FYCO1: variants seen among roughly 807,000 people sequenced by gnomAD.
The protein encoded by FYCO1 is FYVE and coiled-coil domain-containing protein 1.
In FYCO1, 122 loss-of-function variants were observed where a neutral mutation model predicts 165.1. The ratio of observed to expected loss-of-function variants is 0.74; its 90% CI spans 0.64 to 0.86. The LOEUF (loss-of-function observed/expected upper bound fraction) is 0.86, where lower values mean the gene tolerates loss of function less well. Ranked by LOEUF, FYCO1 falls within the 40% of genes least tolerant of loss-of-function variation. The pLI is 0.00. For synonymous variants in FYCO1, 648 were observed against 742.5 expected (o/e 0.87, Z 2.07); for missense variants, 1,702 against 1,810.3 (o/e 0.94, Z 1.09).
At chr3:45,979,853 A>T (rs1706960394) in intron 3 of FYCO1, 23 bp from the exon 4 acceptor site, 1 of 1,613,140 alleles carries the variant, frequency 6.2e-7, no homozygotes, top group Non-Finnish European at 8.5e-7. Flanking sequence ...AGGGAAAGGG[A>T]GAGGAGGTCC....
At chr3:45,991,925 T>G (rs902880015) in intron 1 of FYCO1, among the ~76,000 whole-genome samples, 1 of 151,926 alleles carries the variant, frequency 6.6e-6, no homozygotes, top group Non-Finnish European at 1.5e-5. Flanking sequence ...ACTGGTGAGT[T>G]TATAAGGGGA....
rs764116309 is a variant in FYCO1, at chr3:45,921,382, G to GA, written c.*382dup. 1 of 333,970 alleles carries GA rather than the reference G, an allele frequency of 3.0e-6. No individual in the cohort carries two copies. The highest frequency in any genetic ancestry group is 7.7e-5 in the East Asian group (1 of 12,910). 20.7% of individuals were successfully genotyped at this position (333,970 alleles called of 1,614,324 possible). On this transcript the variant is annotated 3_prime_UTR_variant, in exon 18 of 18. Transcript: ENST00000296137. Reference sequence around the variant, plus strand: ...TGCAGGGCCCTGGTGGGGCAGGGCAGAAAATCTCTCCACAGGCAGAAGTTG... The same window carrying GA: ...TGCAGGGCCCTGGTGGGGCAGGGCAGAAAAATCTCTCCACAGGCAGAAGTTG...
chr3:45,927,294 T>A (rs1240224530), intron 16 of FYCO1, among the ~76,000 whole-genome samples: 2 of 152,216 alleles, frequency 1.3e-5, no homozygotes, highest in Non-Finnish European at 2.9e-5. Context: ...AAAACACCTC[T>A]CAAACTTCAA....
chr3:45,947,518 C>T lies in FYCO1; in HGVS notation c.3944+7731G>A, dbSNP rs376882050. On this transcript the variant is annotated intron_variant, in intron 14 of 17. Transcript: ENST00000296137. ...AGCATGTTCCAGTTATAGGCCTTGC[C>T]AGGGTTTCGAGAAGCTGCTCTGGAA... The T allele has an allele frequency of 7.5e-6, 12 of 1,607,086 alleles. No homozygotes were observed. The Admixed American group carries it at 1.5e-4, about 20-fold the overall frequency.
At chr3:45,971,973 A>G (rs1400081285) in intron 6 of FYCO1, among the ~76,000 whole-genome samples, 2 of 152,238 alleles carry the variant, frequency 1.3e-5, no homozygotes, top group Non-Finnish European at 2.9e-5. Context: ...AAGAGAAAAG[A>G]GGATCAAGTC....
At chr3:45,989,912 C>G (rs1047408219) in intron 1 of FYCO1, among the ~76,000 whole-genome samples, 2 of 152,128 alleles carry the variant, frequency 1.3e-5, no homozygotes, top group African/African-American at 4.8e-5. Context: ...CTGTACTTGA[C>G]GCTGTGGGGC....
chr3:45,957,439 G>A (rs898889034), intron 13 of FYCO1, among the ~76,000 whole-genome samples: 5 of 152,212 alleles, frequency 3.3e-5, no homozygotes, highest in African/African-American at 1.2e-4. Context: ...GCTCTTTGAA[G>A]ACTTTTTTGC....
chr3:45,977,655 G>A (rs1706841984), intron 4 of FYCO1, among the ~76,000 whole-genome samples: 1 of 151,502 alleles, frequency 6.6e-6, no homozygotes, highest in African/African-American at 2.4e-5. Context: ...TTTAAACCAG[G>A]TCATTGTGCC....
At chr3:45,984,379 C>A (rs1707213631) in intron 2 of FYCO1, among the ~76,000 whole-genome samples, 1 of 152,230 alleles carries the variant, frequency 6.6e-6, no homozygotes, top group Non-Finnish European at 1.5e-5. Flanking sequence ...GGCAGCAGGA[C>A]TGGACCTACA....
In FYCO1 at chr3:45,993,738, T is replaced by C. The variant is rs1707665008; in HGVS notation, c.-113+1984A>G. On this transcript the variant is annotated intron_variant, in intron 1 of 17. Transcript: ENST00000296137. The surrounding 1 kb of genome is among the most constrained non-coding windows in gnomAD (Gnocchi z 4.4). Reference sequence around the variant, plus strand: ...CTAGGGCTGCTTGCAGTGAACGTGGTTCCTAAATCTAGGTGCCTACCAGTG... The same window carrying C: ...CTAGGGCTGCTTGCAGTGAACGTGGCTCCTAAATCTAGGTGCCTACCAGTG... 1.3e-5 allele frequency among the ~76,000 whole-genome samples: 2 copies of C among 152,154 alleles called. No individual in the cohort carries two copies. The highest frequency in any genetic ancestry group is 4.1e-4 in the South Asian group (2 of 4,824).
At chr3:45,954,128 CT>C (rs1380416775) in intron 14 of FYCO1, among the ~76,000 whole-genome samples, 18 of 152,236 alleles carry the variant, frequency 1.2e-4, no homozygotes, top group Admixed American at 1.1e-3. Flanking sequence ...CTTATCCAAC[CT>C]GTGGCCCATA....
Position 45,947,081 on chromosome 3 carries a change from C to T in FYCO1, c.3944+8168G>A, listed in dbSNP as rs73830634. ...TTGCCACCCAGATGACACTGGGGTT[C>T]TTCTTGCCACTGCTCACCATGATTG... On this transcript the variant is annotated intron_variant, in intron 14 of 17. Transcript: ENST00000296137. 870 of 1,614,092 alleles carry T rather than the reference C, an allele frequency of 5.4e-4. 5 individuals carry two copies. The African/African-American group carries it at 7.0e-3, about 13-fold the overall frequency.
At chr3:45,948,202 T>G (rs1271505360) in intron 14 of FYCO1, 2 of 167,160 alleles carry the variant, frequency 1.2e-5, no homozygotes, top group East Asian at 3.8e-4. Context: ...GTGGACTCTT[T>G]GGTGGCTTTG....
chr3:45,968,194 A>G lies in FYCO1; in HGVS notation c.1140T>C (p.Asp380=), dbSNP rs1166936154. ...GCCGGCCCTTTGTGTCTGATGCCGT[A>G]TCTGCCTTCTGCTGAGCCATGGCTA... ...GWLAMAQQKA[D]TASDTKGRQE... The change falls in exon 8 of 18, where the codon GAT becomes GAC. Residue 380 remains aspartate (D), a synonymous_variant. Transcript: ENST00000296137. 5.0e-6 allele frequency: 8 copies of G among 1,613,872 alleles called. No individual in the cohort carries two copies. The Admixed American group carries it at 1.3e-4, about 27-fold the overall frequency.
At chr3:45,954,736 G>A (rs568818801) in intron 14 of FYCO1, among the ~76,000 whole-genome samples, 2 of 152,224 alleles carry the variant, frequency 1.3e-5, no homozygotes, top group East Asian at 3.9e-4. Context: ...TAATCCAATC[G>A]ACCAGTGTCT....
At chr3:45,945,958 C>T (rs1049428427) in intron 14 of FYCO1, 1 of 155,438 alleles carries the variant, frequency 6.4e-6, no homozygotes, top group Middle Eastern at 3.2e-3. Context: ...ATAGGAGAGC[C>T]CCCTGGTAGG....
chr3:45,970,950 A>G (rs893405314), intron 6 of FYCO1, among the ~76,000 whole-genome samples: 6 of 152,082 alleles, frequency 3.9e-5, no homozygotes, highest in African/African-American at 1.4e-4. Context: ...AAGATCTGAG[A>G]ATGAAATGCA....
In FYCO1 at chr3:45,967,805, G is replaced by C; in HGVS notation, c.1529C>G (p.Ser510Cys). 1 of 1,613,984 alleles carries C rather than the reference G, an allele frequency of 6.2e-7. No individual in the cohort carries two copies. Among genetic ancestry groups the C allele is most frequent in the Non-Finnish European group, 8.5e-7 (1 of 1,180,008 alleles). The change falls in exon 8 of 18, where the codon TCT becomes TGT. Residue 510 changes from serine to cysteine, a missense_variant. Physicochemically the swap from Ser to Cys is moderately radical, Grantham distance 112. Transcript: ENST00000296137. ...EKELLEQEVRSLTRQLQFLET... is the reference protein window; with the variant it reads ...EKELLEQEVRCLTRQLQFLET... ...CAGGAACTGCAGCTGCCGGGTCAGAGACCTGACCTCCTGCTCCAGCAGCTC... is the reference window on the plus strand; with the variant it reads ...CAGGAACTGCAGCTGCCGGGTCAGACACCTGACCTCCTGCTCCAGCAGCTC...
chr3:45,969,563 T>C, intron 7 of FYCO1, 112 bp downstream of exon 7: 1 of 799,122 alleles, frequency 1.3e-6, no homozygotes, highest in Non-Finnish European at 2.1e-6. Context: ...GTGGTTCTAT[T>C]GCTCTGGCTG....
Sources: allele counts gnomAD v4.1 joint callset (sites outside exome capture counted in the v4.1 genomes callset), GRCh38; gene constraint gnomAD v4.1.1; non-coding constraint Gnocchi (gnomAD v3.1); transcripts MANE v1.5; gene names NCBI Gene and HGNC (gene_info 2026-07-23, HGNC 2026-07-21).